The following GOLGA4 variants were observed in gnomAD, a reference collection of about 807,000 sequenced individuals.
GOLGA4 encodes golgin subfamily A member 4.
GOLGA4 carries 169 observed loss-of-function variants against 265.9 expected under a neutral mutation model. The observed-to-expected ratio is 0.64, with a 90% CI of 0.56 to 0.72. GOLGA4 has a LOEUF of 0.72. Among genes scored for constraint, GOLGA4 ranks in the 30% least tolerant of loss-of-function variants. GOLGA4 has a pLI of 0.00. For missense variants in GOLGA4, 2,482 were observed against 2,483.4 expected, an observed-to-expected ratio of 1.00 and a Z score of 0.01; for synonymous variants, 923 against 855.8, an observed-to-expected ratio of 1.08 and a Z score of -1.37.
At chr3:37,269,437 G>A (rs187784116) in intron 2 of GOLGA4, among the ~76,000 whole-genome samples, 7 of 152,068 alleles carry the variant, frequency 4.6e-5, no homozygotes, top group Non-Finnish European at 1.5e-5. Context: ...AAGTTGAAGG[G>A]AGAAAAAAAG....
chr3:37,327,029 G>A lies in GOLGA4; in HGVS notation c.5143G>A (p.Val1715Met). The part of the protein sequence containing the change: ...TLIVPRSAKN[V>M]AAYTEQEEAD... ...AATTGTACCCAGATCAGCAAAAAAT[G>A]TGGCAGCATATACTGAACAAGAAGA... The change falls in exon 14 of 24, where the codon GTG becomes ATG. Residue 1715 changes from valine (V) to methionine (M), a missense_variant. Coordinates refer to ENST00000361924, the MANE Select transcript of GOLGA4 (RefSeq NM_002078.5). 6.2e-7 allele frequency: 1 copy of A among 1,613,918 alleles called. No homozygotes were observed. Among genetic ancestry groups the A allele is most frequent in the Non-Finnish European group, 8.5e-7 (1 of 1,179,846 alleles).
chr3:37,301,131 T>C (rs2096891540), intron 9 of GOLGA4, among the ~76,000 whole-genome samples: 1 of 152,226 alleles, frequency 6.6e-6, no homozygotes, highest in African/African-American at 2.4e-5. Context: ...GGTGCTAATC[T>C]TAAGACCATG....
intron 16 of GOLGA4, among the ~76,000 whole-genome samples, chr3:37,334,812 A>C (rs1452780818): frequency 1.3e-5 from 2 of 152,064 alleles, no homozygotes; most frequent in Non-Finnish European, 2.9e-5. Flanking sequence ...ATATCCTAGG[A>C]ATAATGAGCA....
chr3:37,317,403 C>G (rs1386084121), intron 11 of GOLGA4, among the ~76,000 whole-genome samples: 1 of 152,216 alleles, frequency 6.6e-6, no homozygotes, highest in Non-Finnish European at 1.5e-5. Context: ...CTCCTGATCT[C>G]AGGTGATCCA....
At chr3:37,321,005 G>A (rs2096953380) in intron 12 of GOLGA4, among the ~76,000 whole-genome samples, 1 of 152,144 alleles carries the variant, frequency 6.6e-6, no homozygotes, top group Admixed American at 6.5e-5. Flanking sequence ...CTTGAGTATA[G>A]TGAACTGAAA....
At chr3:37,360,974 T>G (rs865898862) in intron 22 of GOLGA4, among the ~76,000 whole-genome samples, 6 of 152,302 alleles carry the variant, frequency 3.9e-5, no homozygotes, top group Middle Eastern at 3.4e-3. Context: ...GTACTTAAAA[T>G]ATGCAGTACA....
chr3:37,275,980 A>G (rs2096816804), intron 2 of GOLGA4: 4 of 1,613,388 alleles, frequency 2.5e-6, no homozygotes, highest in Admixed American at 3.3e-5. Flanking sequence ...CTGCAATTAC[A>G]TCGCAGAACA....
intron 23 of GOLGA4, among the ~76,000 whole-genome samples, chr3:37,365,562 C>T (rs925027386): frequency 6.6e-6 from 1 of 152,044 alleles, no homozygotes; most frequent in Non-Finnish European, 1.5e-5. Flanking sequence ...GCCACTGGGT[C>T]CAGCCTGTCA....
intron 2 of GOLGA4, among the ~76,000 whole-genome samples, chr3:37,278,920 C>T (rs1228547930): frequency 1.3e-5 from 2 of 151,976 alleles, no homozygotes; most frequent in East Asian, 1.9e-4. Flanking sequence ...TCAAGCAGTC[C>T]TCCCACCTCA....
At chr3:37,295,633 A>G (rs560801988) in intron 6 of GOLGA4, among the ~76,000 whole-genome samples, 2 of 152,256 alleles carry the variant, frequency 1.3e-5, no homozygotes, top group South Asian at 4.1e-4. Flanking sequence ...TATTTTGATT[A>G]TTTTCCCCCA....
At chr3:37,308,923 A>C (rs1181039143) in intron 10 of GOLGA4, among the ~76,000 whole-genome samples, 1 of 151,896 alleles carries the variant, frequency 6.6e-6, no homozygotes, top group Non-Finnish European at 1.5e-5. Context: ...TAAAAGTAAA[A>C]ATTTTAACAA....
chr3:37,305,601 A>G (rs1466902698), intron 10 of GOLGA4, among the ~76,000 whole-genome samples: 1 of 152,224 alleles, frequency 6.6e-6, no homozygotes, highest in Non-Finnish European at 1.5e-5. Context: ...GGAAAATTCA[A>G]TTGCTCTATT....
At chr3:37,329,120 CT>C in intron 16 of GOLGA4, 27 bp downstream of exon 16, 1 of 1,550,580 alleles carries the variant, frequency 6.4e-7, no homozygotes, top group Non-Finnish European at 8.7e-7. Flanking sequence ...TTCTCTCTCA[CT>C]TTTGAAATTT....
At chr3:37,267,343 CGTT>C (rs1560294343) in intron 2 of GOLGA4, among the ~76,000 whole-genome samples, 1 of 152,118 alleles carries the variant, frequency 6.6e-6, no homozygotes, top group Non-Finnish European at 1.5e-5. Flanking sequence ...GGGAAAAATT[CGTT>C]GTTATGTAAA....
At position 37,324,220 on chromosome 3, in the gene GOLGA4, T is replaced by A; in HGVS notation, c.2334T>A (p.His778Gln). 15 of 1,614,138 alleles carry A rather than the reference T, an allele frequency of 9.3e-6. No individual in the cohort carries two copies. Among genetic ancestry groups the A allele is most frequent in the Non-Finnish European group, 1.2e-5 (14 of 1,180,000 alleles). Reference sequence around the variant, plus strand: ...AGCATTTGAAAGAGCATCAGGCTCATGTAGAAAATTTAGAGGCAGATATTA... The same window carrying A: ...AGCATTTGAAAGAGCATCAGGCTCAAGTAGAAAATTTAGAGGCAGATATTA... Reference protein sequence around the residue: ...RDKHLKEHQAHVENLEADIKR... With the variant: ...RDKHLKEHQAQVENLEADIKR... Residue 778 changes from histidine (H) to glutamine (Q), a missense_variant, in exon 14 of 24, where the codon CAT becomes CAA. His to Gln is a conservative substitution (Grantham distance 24). Coordinates refer to ENST00000361924, the MANE Select transcript of GOLGA4 (RefSeq NM_002078.5).
chr3:37,328,690 T>C (rs1476598517), intron 15 of GOLGA4, among the ~76,000 whole-genome samples, 153 bp downstream of exon 15: 1 of 152,152 alleles, frequency 6.6e-6, no homozygotes, highest in Admixed American at 6.6e-5. Flanking sequence ...GAACCTGCCC[T>C]GCTTGGCAAT....
At chr3:37,249,668 T>G (rs2096728709) in intron 1 of GOLGA4, 2 of 152,246 alleles carry the variant, frequency 1.3e-5, no homozygotes, top group South Asian at 4.1e-4. Context: ...ATTTCATCTG[T>G]TGTATTGATT....
At position 37,298,894 on chromosome 3, in the gene GOLGA4, G is replaced by C; in HGVS notation, c.876G>C (p.Glu292Asp). The C allele has an allele frequency of 3.1e-6, 5 of 1,613,652 alleles. No homozygotes were observed. Among genetic ancestry groups the C allele is most frequent in the Non-Finnish European group, 4.2e-6 (5 of 1,179,654 alleles). Reference sequence around the variant, plus strand: ...TCCAGCAAAGAGTGAAGCGTCAAGAGAACCTACTTAAGCGTTGTAAGGAAA... The same window carrying C: ...TCCAGCAAAGAGTGAAGCGTCAAGACAACCTACTTAAGCGTTGTAAGGAAA... ...ETLQQRVKRQ[E>D]NLLKRCKETI... Residue 292 changes from glutamate (E) to aspartate (D), a missense_variant, in exon 8 of 24, where the codon GAG becomes GAC. By Grantham distance (45) the Glu-to-Asp change is conservative (BLOSUM62 2). Coordinates refer to ENST00000361924, the MANE Select transcript of GOLGA4 (RefSeq NM_002078.5).
At position 37,248,870 on chromosome 3, in the gene GOLGA4, G is replaced by A. The variant is rs2150584196; in HGVS notation, c.73-2525G>A. Among the ~76,000 whole-genome samples the A allele has an allele frequency of 3.9e-5, 6 of 152,284 alleles. No homozygotes were observed. In the South Asian group the frequency reaches 1.2e-3, roughly 32 times the overall value. ...AGCAGTTGGAAGGTCACTGTCTAAG[G>A]TAGCCCTTTCCTGGCATCTGGATAT... On this transcript the variant is annotated intron_variant, in intron 1 of 23. Coordinates refer to ENST00000361924, the MANE Select transcript of GOLGA4 (RefSeq NM_002078.5).
Sources: gnomAD v4.1 joint callset for allele counts (sites outside exome capture counted in the v4.1 genomes callset) on GRCh38, gnomAD v4.1.1 for gene constraint, MANE v1.5 for transcripts, NCBI Gene and HGNC (gene_info 2026-07-23, HGNC 2026-07-21) for gene names.